Variants in MRTFB observed in about 807,000 individuals in gnomAD.
MRTFB encodes myocardin-related transcription factor B.
A neutral mutation model predicts 104.2 loss-of-function variants in MRTFB; 29 were observed. The observed-to-expected ratio is 0.28, with a 90% CI of 0.21 to 0.38. The LOEUF (loss-of-function observed/expected upper bound fraction) is 0.38. Among genes scored for constraint, MRTFB ranks in the 10% least tolerant of loss-of-function variants. The pLI is 1.00. For synonymous variants in MRTFB, 535 were observed against 519.5 expected, an observed-to-expected ratio of 1.03 and a Z score of -0.41; for missense variants, 1,270 against 1,341.6, an observed-to-expected ratio of 0.95 and a Z score of 0.83.
At chr16:14,061,742 G>A in the MRTFB span, among the ~76,000 whole-genome samples, 2 of 152,080 alleles carry the variant, frequency 1.3e-5, no homozygotes, top group African/African-American at 4.8e-5. Context: ...AGTCAAAGGA[G>A]GGGGAGGGCC....
chr16:14,119,084 A>G (rs2036702193), intron 2 of MRTFB, among the ~76,000 whole-genome samples: 1 of 152,222 alleles, frequency 6.6e-6, no homozygotes, highest in Non-Finnish European at 1.5e-5. Flanking sequence ...AAAACCTTAG[A>G]CAAATTAAAT....
intron 2 of MRTFB, among the ~76,000 whole-genome samples, chr16:14,117,552 T>C (rs1033227952): frequency 2.0e-5 from 3 of 152,246 alleles, no homozygotes; most frequent in Non-Finnish European, 4.4e-5. Flanking sequence ...GTCTGTTGTG[T>C]TTGTTTATGT....
At chr16:14,243,617 C>T (rs2042876774) in intron 10 of MRTFB, among the ~76,000 whole-genome samples, 1 of 152,106 alleles carries the variant, frequency 6.6e-6, no homozygotes. Flanking sequence ...TAGTACAAAG[C>T]ACCTAACTGT....
At chr16:14,077,378 G>T (rs982220854) in intron 1 of MRTFB, among the ~76,000 whole-genome samples, 3 of 152,118 alleles carry the variant, frequency 2.0e-5, no homozygotes, top group Non-Finnish European at 4.4e-5. Flanking sequence ...AGTTGATGGT[G>T]GTGTGAGTTT....
Position 14,171,750 on chromosome 16 carries a change from C to T in MRTFB, c.154+30990C>T, listed in dbSNP as rs373858274. ...ATAAAGTAGTTTTAGAATTGCTAAC[C>T]TATTCCACTGTGAAAATAAATGTGT... On this transcript the variant is annotated intron_variant, in intron 3 of 16. Coordinates refer to ENST00000571589, the MANE Select transcript of MRTFB (RefSeq NM_001308142.2). Among the ~76,000 whole-genome samples, 7 of 152,242 alleles carry T rather than the reference C, an allele frequency of 4.6e-5. No individual in the cohort carries two copies. The East Asian group carries it at 9.6e-4, about 21-fold the overall frequency.
the MRTFB span, among the ~76,000 whole-genome samples, chr16:14,017,100 A>C: frequency 7.7e-6 from 1 of 129,606 alleles, no homozygotes; most frequent in Non-Finnish European, 1.6e-5. Flanking sequence ...TCTGTTGCCC[A>C]GGCTGGAGTG....
At chr16:14,141,412 T>G (rs1015919205) in intron 3 of MRTFB, 1 of 152,234 alleles carries the variant, frequency 6.6e-6, no homozygotes, top group African/African-American at 2.4e-5. Flanking sequence ...TTTTAATACT[T>G]AAGATACAAA....
the MRTFB span, among the ~76,000 whole-genome samples, chr16:14,029,445 T>TACACACACAC: frequency 1.5e-3 from 126 of 85,962 alleles, no homozygotes; most frequent in African/African-American, 5.3e-3. Flanking sequence ...TATATATATA[T>TACACACACAC]ACACACACAC....
intron 2 of MRTFB, among the ~76,000 whole-genome samples, chr16:14,108,423 A>AT (rs771181216): frequency 2.8e-4 from 43 of 152,204 alleles, no homozygotes; most frequent in Admixed American, 2.2e-3. Flanking sequence ...TTGATAGAAC[A>AT]TTTCTAAATG....
At chr16:14,256,573 G>A (rs554728868) in intron 15 of MRTFB, among the ~76,000 whole-genome samples, 1 of 152,300 alleles carries the variant, frequency 6.6e-6, no homozygotes, top group Admixed American at 6.5e-5. Flanking sequence ...CAGCCATCTG[G>A]AGAGGCTCAC....
chr16:14,203,582 A>AC (rs1373172173), intron 3 of MRTFB, among the ~76,000 whole-genome samples: 1 of 152,114 alleles, frequency 6.6e-6, no homozygotes, highest in African/African-American at 2.4e-5. Flanking sequence ...CGGATGGAAC[A>AC]CTTGAGGCCA....
At chr16:14,035,954 A>G in the MRTFB span, among the ~76,000 whole-genome samples, 2 of 150,954 alleles carry the variant, frequency 1.3e-5, no homozygotes, top group South Asian at 4.2e-4. Flanking sequence ...CTTAGCTCCC[A>G]CTTATGAGTG....
At chr16:14,036,519 T>C in the MRTFB span, among the ~76,000 whole-genome samples, 1 of 149,188 alleles carries the variant, frequency 6.7e-6, no homozygotes, top group East Asian at 2.0e-4. Flanking sequence ...CATTCCATCA[T>C]ATATATGTTG....
the MRTFB span, among the ~76,000 whole-genome samples, chr16:14,023,878 C>T: frequency 6.6e-6 from 1 of 152,070 alleles, no homozygotes; most frequent in South Asian, 2.1e-4. Context: ...GGGTGAAACC[C>T]TGTCTCTACT....
At chr16:14,028,513 T>A in the MRTFB span, among the ~76,000 whole-genome samples, 1 of 152,210 alleles carries the variant, frequency 6.6e-6, no homozygotes, top group Non-Finnish European at 1.5e-5. Context: ...CCCACTGTTC[T>A]ATTCTGGCCA....
At chr16:14,159,308 T>C (rs564991073) in intron 3 of MRTFB, among the ~76,000 whole-genome samples, 4 of 152,234 alleles carry the variant, frequency 2.6e-5, no homozygotes, top group Admixed American at 2.6e-4. Context: ...TGTGTTTTCA[T>C]TCTAGCTCAG....
intron 6 of MRTFB, among the ~76,000 whole-genome samples, chr16:14,214,181 G>A (rs779704805): frequency 6.6e-6 from 1 of 152,090 alleles, no homozygotes; most frequent in Non-Finnish European, 1.5e-5. Flanking sequence ...TTAACACATG[G>A]GTCAGGCCAG....
the MRTFB span, among the ~76,000 whole-genome samples, chr16:14,048,112 A>G: frequency 1.3e-5 from 2 of 152,224 alleles, no homozygotes; most frequent in Non-Finnish European, 2.9e-5. Context: ...AAGGGGCTAA[A>G]TGTTCCATGC....
chr16:14,130,791 T>A (rs913324723), intron 2 of MRTFB, among the ~76,000 whole-genome samples: 10 of 144,736 alleles, frequency 6.9e-5, no homozygotes, highest in African/African-American at 2.8e-4. Context: ...AGGAAACTTA[T>A]ACAATCATGG....
Sources: gnomAD v4.1 joint callset for allele counts (sites outside exome capture counted in the v4.1 genomes callset) on GRCh38, gnomAD v4.1.1 for gene constraint, MANE v1.5 for transcripts, NCBI Gene and HGNC (gene_info 2026-07-23, HGNC 2026-07-21) for gene names.